Variants in SDF4 observed in about 807,000 individuals in gnomAD.
The protein encoded by SDF4 is stromal cell derived factor 4.
In SDF4, 22 loss-of-function variants were observed where a neutral mutation model predicts 34.2. The observed-to-expected ratio is 0.64, with a 90% CI of 0.46 to 0.92. The LOEUF is 0.92. Ranked by LOEUF, SDF4 falls within the 40% of genes least tolerant of loss-of-function variation. The pLI, the probability that SDF4 is intolerant of heterozygous loss-of-function variation, is 0.00. For synonymous variants in SDF4, 236 were observed against 203.1 expected (o/e 1.16, Z -1.38); for missense variants, 447 against 499.9 (o/e 0.89, Z 1.01).
intron 4 of SDF4, chr1:1,220,291 G>A: frequency 9.2e-7 from 1 of 1,092,508 alleles, no homozygotes; most frequent in South Asian, 2.5e-5. Context: ...CGCAGACCCA[G>A]AGAGAGGCAG....
intron 1 of SDF4, among the ~76,000 whole-genome samples, chr1:1,230,461 G>GCTT (rs1638460025): frequency 7.0e-6 from 1 of 143,530 alleles, no homozygotes; most frequent in Non-Finnish European, 1.5e-5. Flanking sequence ...GCTCATGTCT[G>GCTT]ATTTTTTTTT....
intron 1 of SDF4, among the ~76,000 whole-genome samples, chr1:1,229,149 G>C (rs139694133): frequency 0.013 from 1,971 of 151,628 alleles, 48 homozygotes; most frequent in African/African-American, 0.045. Flanking sequence ...TGTTTTCTCT[G>C]GACCACACGT....
chr1:1,218,940 C>G lies in SDF4; in HGVS notation c.557-13G>C. 1 of 1,610,712 alleles carries G rather than the reference C, an allele frequency of 6.2e-7. No homozygotes were observed. The highest frequency in any genetic ancestry group is 8.5e-7 in the Non-Finnish European group (1 of 1,178,810). On this transcript the variant is annotated splice_polypyrimidine_tract_variant and intron_variant, in intron 4 of 6. Coordinates refer to ENST00000360001, the MANE Select transcript of SDF4 (RefSeq NM_016176.6). This position sits in a 1 kb window ranked among gnomAD's most constrained non-coding sequence, Gnocchi z 7.9. ...AGGACTTCCTGTGCTGAGAGGGGCG[C>G]AGCCTGTGGGTATCGAGGCCGACAG...
chr1:1,231,768 G>C (rs1384775945), intron 1 of SDF4, 124 bp downstream of exon 1: 1 of 152,226 alleles, frequency 6.6e-6, no homozygotes, highest in Admixed American at 6.5e-5. Flanking sequence ...TCAAGGCCGA[G>C]CGGACGGACG....
chr1:1,229,115 T>C (rs1638412713), intron 1 of SDF4, among the ~76,000 whole-genome samples, 169 bp from the exon 2 acceptor site: 1 of 152,084 alleles, frequency 6.6e-6, no homozygotes, highest in Non-Finnish European at 1.5e-5. Flanking sequence ...GTGGCATTGT[T>C]TTCTCCGGGC....
chr1:1,218,389 A>G lies in SDF4; in HGVS notation c.891+69T>C, dbSNP rs1194354016. The G allele has an allele frequency of 1.3e-6, 2 of 1,527,538 alleles. No individual in the cohort carries two copies. The highest frequency in any genetic ancestry group is 2.7e-5 in the African/African-American group (2 of 73,418). 94.6% of individuals were successfully genotyped at this position (1,527,538 alleles called of 1,614,324 possible). A position where few individuals can be genotyped will look rare whatever the true frequency, so the allele number is the denominator to read the frequency against. On this transcript the variant is annotated intron_variant, in intron 6 of 6. Coordinates refer to ENST00000360001, the MANE Select transcript of SDF4 (RefSeq NM_016176.6). The surrounding 1 kb of genome is among the most constrained non-coding windows in gnomAD (Gnocchi z 7.9). ...GCACAGCTTCCTGCCTCAGGCCCAG[A>G]TCCACCAGCCCCTCCCGCCACAGCA...
Position 1,228,566 on chromosome 1 carries a change from G to A in SDF4, c.207C>T (p.Gly69=), listed in dbSNP as rs1248209650. Residue 69 remains glycine (G), a synonymous_variant, in exon 2 of 7, where the codon GGC becomes GGT. Transcript: ENST00000360001. ...TGCCTAGGAAGACCTCCTGGTGGAA[G>A]CCGCGATTGAGGTGCCCGTCCATCT... is the stretch of plus-strand genomic sequence containing the variant. ...KLEMDGHLNR[G]FHQEVFLGKD... is the part of the protein sequence containing the mutation. 3 of 1,613,162 alleles carry A rather than the reference G, an allele frequency of 1.9e-6. No homozygotes were observed. Among genetic ancestry groups the A allele is most frequent in the Non-Finnish European group, 1.7e-6 (2 of 1,180,016 alleles).
Position 1,218,352 on chromosome 1 carries a change from G to T in SDF4, c.891+106C>A. On this transcript the variant is annotated intron_variant, in intron 6 of 6. Coordinates refer to ENST00000360001, the MANE Select transcript of SDF4 (RefSeq NM_016176.6). This position sits in a 1 kb window ranked among gnomAD's most constrained non-coding sequence, Gnocchi z 7.9. ...AGTGACCAGCCCAGATGGAGTCTCAGGCCAGACACCAGCACAGCTTCCTGC... is the reference window on the plus strand; with the variant it reads ...AGTGACCAGCCCAGATGGAGTCTCATGCCAGACACCAGCACAGCTTCCTGC... 1 of 1,266,006 alleles carries T rather than the reference G, an allele frequency of 7.9e-7. No individual in the cohort carries two copies. Among genetic ancestry groups the T allele is most frequent in the Non-Finnish European group, 1.1e-6 (1 of 920,348 alleles). The allele number at this position is 1,266,006 out of a possible 1,614,324, so 78.4% of individuals were successfully genotyped here. A position where few individuals can be genotyped will look rare whatever the true frequency, so the allele number is the denominator to read the frequency against.
At chr1:1,219,379 G>A (rs1649766870) in intron 4 of SDF4, 1 of 1,048,836 alleles carries the variant, frequency 9.5e-7, no homozygotes, top group Non-Finnish European at 1.2e-6. Context: ...CCTCATGCCT[G>A]GGACCCCTCA....
In SDF4 at chr1:1,218,695, C is replaced by T. The variant is rs1649691986; in HGVS notation, c.716-62G>A. The stretch of plus-strand genomic sequence containing the variant: ...GGGGCTCCCGCAGGACCTGCCCCGA[C>T]CTCCCGACGATGCCCGGCCCCTGCC... On this transcript the variant is annotated intron_variant, in intron 5 of 6. Transcript: ENST00000360001. This position sits in a 1 kb window ranked among gnomAD's most constrained non-coding sequence, Gnocchi z 7.9. 1.2e-6 allele frequency: 2 copies of T among 1,611,732 alleles called. No homozygotes were observed. Among genetic ancestry groups the T allele is most frequent in the East Asian group, 4.5e-5 (2 of 44,822 alleles).
At chr1:1,219,321 C>T in intron 4 of SDF4, 2 of 1,144,262 alleles carry the variant, frequency 1.7e-6, no homozygotes, top group Non-Finnish European at 2.2e-6. Context: ...AAGACATGAT[C>T]CAGAACCTCC....
Position 1,223,726 on chromosome 1 carries a change from C to T in SDF4, c.442+106G>A, listed in dbSNP as rs982424694. ...GGGTCTCCGGCTGACACTTCCCCAC[C>T]GCCCGTCCCTCAGACAGGGCCTGTC... On this transcript the variant is annotated intron_variant, in intron 3 of 6. Transcript: ENST00000360001. 1.9e-5 allele frequency: 21 copies of T among 1,101,518 alleles called. 1 individual carries two copies. The highest frequency in any genetic ancestry group is 2.6e-5 in the East Asian group (1 of 38,596). The allele number at this position is 1,101,518 out of a possible 1,614,324, so 68.2% of individuals were successfully genotyped here. A position where few individuals can be genotyped will look rare whatever the true frequency, so the allele number is the denominator to read the frequency against.
intron 1 of SDF4, among the ~76,000 whole-genome samples, chr1:1,230,128 CG>C (rs1225498324): frequency 6.6e-6 from 1 of 152,236 alleles, no homozygotes; most frequent in African/African-American, 2.4e-5. Flanking sequence ...TCTGCCCCTC[CG>C]GCAAACACCT....
intron 4 of SDF4, chr1:1,219,591 C>A: frequency 1.0e-6 from 1 of 986,938 alleles, no homozygotes; most frequent in Non-Finnish European, 1.2e-6. Context: ...TTCCCAGGAA[C>A]CCTCCCAGCC....
Position 1,218,187 on chromosome 1 carries a change from A to T in SDF4, c.891+271T>A, listed in dbSNP as rs1296206121. On this transcript the variant is annotated intron_variant, in intron 6 of 6. Transcript: ENST00000360001. The surrounding 1 kb of genome is among the most constrained non-coding windows in gnomAD (Gnocchi z 7.9). ...TGAGCTTCCCCTTGTGGTCCCGTTA[A>T]AAAGGGGCTGTGAGAACCCTGACGC... is the stretch of plus-strand genomic sequence containing the variant. 6.6e-6 allele frequency among the ~76,000 whole-genome samples: 1 copy of T among 152,164 alleles called. No homozygotes were observed.
Position 1,217,790 on chromosome 1 carries a change from G to C in SDF4, c.892-102C>G, listed in dbSNP as rs542102086. ...TTAAGGTGCCTATTGGCTGCAGCGGGAGTGTGGGCACGTTCTGGAAGGTTC... is the reference window on the plus strand; with the variant it reads ...TTAAGGTGCCTATTGGCTGCAGCGGCAGTGTGGGCACGTTCTGGAAGGTTC... On this transcript the variant is annotated intron_variant, in intron 6 of 6. Transcript: ENST00000360001. This position sits in a 1 kb window ranked among gnomAD's most constrained non-coding sequence, Gnocchi z 8.5. 1.3e-6 allele frequency: 2 copies of C among 1,590,122 alleles called. No individual in the cohort carries two copies. The highest frequency in any genetic ancestry group is 3.4e-5 in the Admixed American group (2 of 59,240).
intron 4 of SDF4, chr1:1,220,423 A>G: frequency 8.5e-7 from 1 of 1,181,134 alleles, no homozygotes; most frequent in Non-Finnish European, 1.1e-6. Flanking sequence ...CGCAGGAGCC[A>G]TGCAGGGAGG....
At chr1:1,223,694 C>T in intron 3 of SDF4, 138 bp downstream of exon 3, 1 of 834,264 alleles carries the variant, frequency 1.2e-6, no homozygotes, top group Non-Finnish European at 1.9e-6. Flanking sequence ...CACCCCACCA[C>T]ACCTCGGGGT....
chr1:1,222,436 G>A (rs768524036), intron 4 of SDF4, among the ~76,000 whole-genome samples: 20 of 152,064 alleles, frequency 1.3e-4, no homozygotes, highest in Non-Finnish European at 2.5e-4. Flanking sequence ...CCAGGGCTGA[G>A]GCTGCCCTGC....
Sources: allele counts gnomAD v4.1 joint callset (sites outside exome capture counted in the v4.1 genomes callset), GRCh38; gene constraint gnomAD v4.1.1; non-coding constraint Gnocchi (gnomAD v3.1); transcripts MANE v1.5; gene names NCBI Gene and HGNC (gene_info 2026-07-23, HGNC 2026-07-21).